SNX6: variants seen among roughly 807,000 people sequenced by gnomAD.
SNX6 encodes sorting nexin 6.
SNX6 carries 34 observed loss-of-function variants against 63.0 expected under a neutral mutation model. The ratio of observed to expected loss-of-function variants is 0.54; its 90% CI spans 0.41 to 0.72. The LOEUF (loss-of-function observed/expected upper bound fraction) is 0.72. Ranked by LOEUF, SNX6 falls within the 30% of genes least tolerant of loss-of-function variation. The pLI, the probability that SNX6 is intolerant of heterozygous loss-of-function variation, is 0.00. For missense variants in SNX6, 398 were observed against 471.4 expected (o/e 0.84, Z 1.44); for synonymous variants, 170 against 164.2 (o/e 1.04, Z -0.27).
chr14:34,581,111 ACC>A, intron 10 of SNX6, among the ~76,000 whole-genome samples: 1 of 152,324 alleles, frequency 6.6e-6, no homozygotes, highest in African/African-American at 2.4e-5. Flanking sequence ...GTTAAATATT[ACC>A]ACATGCAGAG....
intron 13 of SNX6, among the ~76,000 whole-genome samples, chr14:34,565,267 C>G (rs538092700): frequency 3.3e-5 from 5 of 150,908 alleles, no homozygotes; most frequent in Non-Finnish European, 7.4e-5. Context: ...TTAGTAGAGA[C>G]GGGGTTTCAC....
chr14:34,566,998 G>T (rs530095889), intron 13 of SNX6, among the ~76,000 whole-genome samples: 2 of 152,150 alleles, frequency 1.3e-5, no homozygotes, highest in Non-Finnish European at 2.9e-5. Flanking sequence ...CGAGGCAGGT[G>T]TATCACCTCA....
intron 2 of SNX6, among the ~76,000 whole-genome samples, chr14:34,627,666 T>C (rs1465184913): frequency 6.6e-6 from 1 of 152,052 alleles, no homozygotes; most frequent in Non-Finnish European, 1.5e-5. Flanking sequence ...ATTTTTGTAT[T>C]TTTAGTAGAG....
At chr14:34,592,706 G>T (rs1349752374) in intron 8 of SNX6, among the ~76,000 whole-genome samples, 1 of 151,536 alleles carries the variant, frequency 6.6e-6, no homozygotes, top group Non-Finnish European at 1.5e-5. Flanking sequence ...TGGGACCACA[G>T]CCATGCGGCA....
chr14:34,625,062 C>T (rs1425936802), intron 2 of SNX6, among the ~76,000 whole-genome samples: 2 of 151,978 alleles, frequency 1.3e-5, no homozygotes, highest in Non-Finnish European at 2.9e-5. Context: ...ATTACAGGTG[C>T]CCGCCACCAT....
chr14:34,588,873 T>G (rs1435230346), intron 8 of SNX6, among the ~76,000 whole-genome samples: 1 of 152,208 alleles, frequency 6.6e-6, no homozygotes, highest in Non-Finnish European at 1.5e-5. Context: ...GGTTCACACC[T>G]GTAATCGCTC....
At chr14:34,597,495 C>T in intron 7 of SNX6, 55 bp downstream of exon 7, 1 of 1,013,526 alleles carries the variant, frequency 9.9e-7, no homozygotes, top group Non-Finnish European at 1.5e-6. Flanking sequence ...CTCAATCTAT[C>T]TCCCTTTTAA....
intron 9 of SNX6, among the ~76,000 whole-genome samples, chr14:34,584,234 A>G (rs1449885959): frequency 6.6e-6 from 1 of 152,162 alleles, no homozygotes; most frequent in Non-Finnish European, 1.5e-5. Flanking sequence ...ACACTAGAGA[A>G]AAGGTCAAGG....
chr14:34,628,506 G>C (rs1883914805), intron 2 of SNX6, among the ~76,000 whole-genome samples: 1 of 152,090 alleles, frequency 6.6e-6, no homozygotes, highest in Non-Finnish European at 1.5e-5. Flanking sequence ...GCCCGTGCCA[G>C]TAGTCCCAGC....
rs187392282 is a variant in SNX6, at chr14:34,562,888, C to T, written c.*234G>A. The T allele has an allele frequency of 5.9e-5, 30 of 507,578 alleles. No homozygotes were observed. Among genetic ancestry groups the T allele is most frequent in the African/African-American group, 5.1e-4 (26 of 51,170 alleles). 31.4% of individuals were successfully genotyped at this position (507,578 alleles called of 1,614,324 possible). ...ATGAACTTTGGACTTCTGAGTATGA[C>T]GAGTGCACGATGATGGACCACTGTC... is the stretch of plus-strand genomic sequence containing the variant. On this transcript the variant is annotated 3_prime_UTR_variant, in exon 14 of 14. Transcript: ENST00000362031.
Position 34,629,966 on chromosome 14 carries a change from G to A in SNX6, c.7-12C>T, listed in dbSNP as rs1313637473. The A allele has an allele frequency of 5.9e-6, 9 of 1,534,214 alleles. No homozygotes were observed. The highest frequency in any genetic ancestry group is 2.5e-5 in the East Asian group (1 of 40,724). On this transcript the variant is annotated splice_polypyrimidine_tract_variant and intron_variant, in intron 1 of 13. Transcript: ENST00000362031. ...TCGTCCAGGCCTTCCTGTGGGGTCG[G>A]CGGGCACGGCGCGCCGGGGAAAAGG...
At chr14:34,607,936 C>A in intron 4 of SNX6, 94 bp downstream of exon 4, 1 of 597,854 alleles carries the variant, frequency 1.7e-6, no homozygotes, top group South Asian at 2.4e-5. Flanking sequence ...AACAAAAAAA[C>A]AGTTCACAAA....
At chr14:34,583,260 G>C (rs1361934384) in intron 9 of SNX6, among the ~76,000 whole-genome samples, 1 of 152,142 alleles carries the variant, frequency 6.6e-6, no homozygotes, top group African/African-American at 2.4e-5. Context: ...AGTGAGCCAA[G>C]ACTGAGCCAC....
intron 6 of SNX6, among the ~76,000 whole-genome samples, chr14:34,600,588 G>A (rs1304363101): frequency 6.6e-6 from 1 of 151,918 alleles, no homozygotes; most frequent in African/African-American, 2.4e-5. Context: ...CAAATTCTTT[G>A]ATCTTGAGGT....
intron 8 of SNX6, among the ~76,000 whole-genome samples, chr14:34,587,616 CA>C (rs1421242106): frequency 1.4e-5 from 2 of 147,692 alleles, no homozygotes; most frequent in Admixed American, 6.8e-5. Context: ...GACTCCATCT[CA>C]AAACAAACAA....
intron 8 of SNX6, among the ~76,000 whole-genome samples, chr14:34,591,916 C>G (rs762036847): frequency 6.6e-5 from 10 of 152,190 alleles, no homozygotes; most frequent in Non-Finnish European, 1.2e-4. Context: ...AATCACAACT[C>G]TATCACTAAA....
intron 10 of SNX6, among the ~76,000 whole-genome samples, chr14:34,581,245 C>T (rs1881921626): frequency 6.6e-6 from 1 of 152,188 alleles, no homozygotes; most frequent in Non-Finnish European, 1.5e-5. Context: ...CGTTGGCCTC[C>T]CGGGTTCAAG....
chr14:34,612,956 G>A (rs1883287112), intron 2 of SNX6, among the ~76,000 whole-genome samples: 1 of 151,652 alleles, frequency 6.6e-6, no homozygotes. Context: ...GGCTGAGGCA[G>A]GAGAATGGTG....
intron 2 of SNX6, chr14:34,629,464 T>TA (rs761274623): frequency 2.1e-6 from 1 of 468,160 alleles, no homozygotes; most frequent in Admixed American, 2.3e-5. Context: ...ACACCTGTAC[T>TA]ATTTGAGAGA....
Sources: allele counts gnomAD v4.1 joint callset (sites outside exome capture counted in the v4.1 genomes callset), GRCh38; gene constraint gnomAD v4.1.1; transcripts MANE v1.5; gene names NCBI Gene and HGNC (gene_info 2026-07-23, HGNC 2026-07-21).